LRBA: variants seen among roughly 807,000 people sequenced by gnomAD.
The protein encoded by LRBA is lipopolysaccharide-responsive and beige-like anchor protein.
In LRBA, 176 loss-of-function variants were observed where a neutral mutation model predicts 330.0. The ratio of observed to expected loss-of-function variants is 0.53; its 90% CI spans 0.47 to 0.60. LRBA has a LOEUF of 0.60. LRBA is among the 20% of genes least tolerant of loss of function. LRBA has a pLI of 0.00. For missense variants in LRBA, 3,259 were observed against 3,444.8 expected, an observed-to-expected ratio of 0.95 and a Z score of 1.35; for synonymous variants, 1,230 against 1,193.0, an observed-to-expected ratio of 1.03 and a Z score of -0.64.
intron 40 of LRBA, among the ~76,000 whole-genome samples, chr4:150,528,073 T>C (rs1042582403): frequency 1.3e-5 from 2 of 152,198 alleles, no homozygotes; most frequent in African/African-American, 4.8e-5. Context: ...TAGGTAAAAA[T>C]ATAGAAGTAA....
At chr4:150,615,180 T>C (rs1460703631) in intron 37 of LRBA, among the ~76,000 whole-genome samples, 1 of 152,202 alleles carries the variant, frequency 6.6e-6, no homozygotes, top group Admixed American at 6.5e-5. Context: ...CCATTTTGGA[T>C]ACATAAAGAA....
At chr4:150,440,205 T>C (rs539951193) in intron 44 of LRBA, among the ~76,000 whole-genome samples, 2 of 152,256 alleles carry the variant, frequency 1.3e-5, no homozygotes, top group South Asian at 4.1e-4. Flanking sequence ...TTAAAAATGG[T>C]CATAATTTCT....
intron 46 of LRBA, among the ~76,000 whole-genome samples, chr4:150,421,584 T>G (rs188704242): frequency 1.1e-4 from 16 of 152,172 alleles, no homozygotes; most frequent in Admixed American, 9.2e-4. Context: ...ACAGAGAGCT[T>G]CAGTTTCACG....
chr4:150,482,637 C>T (rs1052677063), intron 42 of LRBA, among the ~76,000 whole-genome samples: 1 of 152,066 alleles, frequency 6.6e-6, no homozygotes, highest in Non-Finnish European at 1.5e-5. Context: ...AGTCGTACCA[C>T]TTTACTTCCC....
chr4:150,388,321 T>A (rs537130082), intron 47 of LRBA, among the ~76,000 whole-genome samples: 8 of 152,240 alleles, frequency 5.3e-5, no homozygotes, highest in Admixed American at 4.6e-4. Flanking sequence ...GGGGACACAA[T>A]TCAGGCCATA....
chr4:150,487,039 A>C (rs1757961222), intron 42 of LRBA, among the ~76,000 whole-genome samples: 2 of 151,798 alleles, frequency 1.3e-5, no homozygotes, highest in African/African-American at 4.8e-5. Flanking sequence ...TCATCAGCTG[A>C]TGTACACTTA....
In LRBA at chr4:150,843,973, G is replaced by A. The variant is rs1369475998; in HGVS notation, c.4569+127C>T. On this transcript the variant is annotated intron_variant, in intron 28 of 56. Transcript: ENST00000651943. The stretch of plus-strand genomic sequence containing the variant: ...TCTAAAATCATTGTCAAAAGAAGTC[G>A]TTTCTAGACCTTTCTATCTCTGCTC... 3.5e-5 allele frequency: 20 copies of A among 564,840 alleles called. No individual in the cohort carries two copies. The South Asian group carries it at 4.6e-4, about 13-fold the overall frequency. The allele number at this position is 564,840 out of a possible 1,614,324, so 35.0% of individuals were successfully genotyped here.
chr4:150,280,482 T>C (rs1172649217), intron 55 of LRBA, among the ~76,000 whole-genome samples: 10 of 152,230 alleles, frequency 6.6e-5, no homozygotes, highest in Non-Finnish European at 1.5e-4. Flanking sequence ...TGCTGCTCTG[T>C]ACAGGCTGCC....
chr4:150,760,132 T>G (rs765642694), intron 35 of LRBA, among the ~76,000 whole-genome samples: 6 of 152,166 alleles, frequency 3.9e-5, no homozygotes, highest in Non-Finnish European at 8.8e-5. Flanking sequence ...CAGTCACCTC[T>G]TTTTCCATAT....
chr4:150,304,936 A>G (rs1274128997), intron 52 of LRBA, among the ~76,000 whole-genome samples: 1 of 152,222 alleles, frequency 6.6e-6, no homozygotes, highest in East Asian at 1.9e-4. Context: ...AATACATCAT[A>G]TAGTGATGTG....
intron 2 of LRBA, chr4:151,013,484 G>A (rs910634800): frequency 1.3e-5 from 2 of 152,212 alleles, no homozygotes; most frequent in Non-Finnish European, 2.9e-5. Context: ...CTAGGCAACA[G>A]AGTGAGACCT....
intron 33 of LRBA, among the ~76,000 whole-genome samples, chr4:150,803,125 AAT>A (rs892390795): frequency 1.3e-5 from 2 of 149,638 alleles, no homozygotes; most frequent in East Asian, 1.9e-4. Context: ...TACACACACA[AAT>A]ATATATATGT....
At chr4:151,005,039 G>T (rs1743847961) in intron 2 of LRBA, among the ~76,000 whole-genome samples, 2 of 151,944 alleles carry the variant, frequency 1.3e-5, no homozygotes, top group South Asian at 4.2e-4. Flanking sequence ...GTGGAGGAGA[G>T]GGAAATAGTC....
chr4:150,908,709 T>C lies in LRBA; in HGVS notation c.1310A>G (p.Lys437Arg), dbSNP rs756799509. 2.5e-6 allele frequency: 4 copies of C among 1,614,038 alleles called. No individual in the cohort carries two copies. Among genetic ancestry groups the C allele is most frequent in the African/African-American group, 2.7e-5 (2 of 75,046 alleles). Residue 437 changes from lysine to arginine, a missense_variant, in exon 10 of 57, where the codon AAG becomes AGG. Lys to Arg is a conservative substitution (Grantham distance 26). Coordinates refer to ENST00000651943, the MANE Select transcript of LRBA (RefSeq NM_001364905.1). ...DAQLCLESSP[K>R]DNPSIFVHSP... is the part of the protein sequence containing the mutation. ...ATGAACAAAAATTGAAGGGTTGTCCTTAGGAGATGATTCAAGACAAAGCTG... is the reference window on the plus strand; with the variant it reads ...ATGAACAAAAATTGAAGGGTTGTCCCTAGGAGATGATTCAAGACAAAGCTG...
chr4:150,754,195 T>C (rs1213042340), intron 35 of LRBA, among the ~76,000 whole-genome samples: 2 of 144,350 alleles, frequency 1.4e-5, no homozygotes, highest in Non-Finnish European at 2.9e-5. Flanking sequence ...GATCAAGCTA[T>C]AAAATTAAAA....
At chr4:150,811,916 C>G (rs1332511814) in intron 31 of LRBA, among the ~76,000 whole-genome samples, 5 of 152,168 alleles carry the variant, frequency 3.3e-5, no homozygotes, top group Non-Finnish European at 7.3e-5. Context: ...TTTCCTCACA[C>G]TACCCTAGAA....
intron 40 of LRBA, among the ~76,000 whole-genome samples, chr4:150,525,297 G>T (rs1763339778): frequency 6.6e-6 from 1 of 151,332 alleles, no homozygotes. Flanking sequence ...TCTACTAAGA[G>T]AACACATTTT....
At chr4:150,652,494 G>C (rs748655494) in intron 37 of LRBA, among the ~76,000 whole-genome samples, 4 of 151,812 alleles carry the variant, frequency 2.6e-5, no homozygotes, top group Non-Finnish European at 5.9e-5. Context: ...CCATAAACTG[G>C]TTATTAGATT....
intron 37 of LRBA, among the ~76,000 whole-genome samples, chr4:150,624,599 TTAG>T (rs1776668707): frequency 6.6e-6 from 1 of 152,266 alleles, no homozygotes; most frequent in Non-Finnish European, 1.5e-5. Flanking sequence ...TAAATATTGT[TTAG>T]TAGAATTTTA....
Sources: gnomAD v4.1 joint callset for allele counts (sites outside exome capture counted in the v4.1 genomes callset) on GRCh38, gnomAD v4.1.1 for gene constraint, MANE v1.5 for transcripts, NCBI Gene and HGNC (gene_info 2026-07-23, HGNC 2026-07-21) for gene names.